LPP: variants seen among roughly 807,000 people sequenced by gnomAD.
LPP encodes LIM domain containing preferred translocation partner in lipoma.
LPP carries 38 observed loss-of-function variants against 60.4 expected under a neutral mutation model. The ratio of observed to expected loss-of-function variants is 0.63; its 90% confidence interval spans 0.49 to 0.83. LPP has a LOEUF of 0.83. LPP is among the 40% of genes least tolerant of loss of function. The pLI, the probability that LPP is intolerant of heterozygous loss-of-function variation, is 0.00. For missense variants in LPP, 902 were observed against 783.6 expected (o/e 1.15, Z -1.80); for synonymous variants, 328 against 290.8 (o/e 1.13, Z -1.30).
At chr3:188,551,558 A>T (rs1231926893) in intron 6 of LPP, among the ~76,000 whole-genome samples, 3 of 152,226 alleles carry the variant, frequency 2.0e-5, no homozygotes, top group Non-Finnish European at 2.9e-5. Context: ...ACCCATCTGT[A>T]AAATATGGAC....
chr3:188,792,063 TG>T (rs1364171889), intron 9 of LPP, among the ~76,000 whole-genome samples: 4 of 152,168 alleles, frequency 2.6e-5, no homozygotes, highest in Admixed American at 2.6e-4. Context: ...CTGTTTTTGC[TG>T]CTATACCAGG....
chr3:188,168,154 G>A (rs1349547900), intron 1 of LPP, among the ~76,000 whole-genome samples: 1 of 152,160 alleles, frequency 6.6e-6, no homozygotes, highest in African/African-American at 2.4e-5. Context: ...TACCTACTCC[G>A]TGCCAGGCAC....
At chr3:188,384,789 CAAAAAAAAAAAAAAA>C (rs561284077) in intron 3 of LPP, among the ~76,000 whole-genome samples, 1 of 51,452 alleles carries the variant, frequency 1.9e-5, no homozygotes, top group African/African-American at 7.9e-5. Context: ...GACTCTGTCT[CAAAAAAAAAAAAAAA>C]AAAAAAAAAA....
chr3:188,192,100 A>G (rs1200519932), intron 1 of LPP, among the ~76,000 whole-genome samples: 2 of 152,214 alleles, frequency 1.3e-5, no homozygotes, highest in Admixed American at 6.5e-5. Flanking sequence ...ATCTCTGTGT[A>G]CTGATGAATG....
At chr3:188,731,407 G>A (rs1720428929) in intron 8 of LPP, among the ~76,000 whole-genome samples, 1 of 152,168 alleles carries the variant, frequency 6.6e-6, no homozygotes. Context: ...TGATTCCCAA[G>A]GAAGCTTGAT....
intron 4 of LPP, among the ~76,000 whole-genome samples, chr3:188,453,903 T>C (rs778307342): frequency 2.6e-5 from 4 of 152,164 alleles, no homozygotes; most frequent in Non-Finnish European, 5.9e-5. Flanking sequence ...CTAACTCACA[T>C]TTTAACCTAA....
chr3:188,346,090 G>A (rs926970683), intron 3 of LPP, among the ~76,000 whole-genome samples: 1 of 152,042 alleles, frequency 6.6e-6, no homozygotes, highest in Non-Finnish European at 1.5e-5. Flanking sequence ...CTTGAATTCA[G>A]AGCCCCTTTT....
At chr3:188,706,089 A>C (rs1436006751) in intron 7 of LPP, among the ~76,000 whole-genome samples, 1 of 152,250 alleles carries the variant, frequency 6.6e-6, no homozygotes, top group Non-Finnish European at 1.5e-5. Flanking sequence ...ACAAAAGAAT[A>C]ACTGAATAAT....
chr3:188,527,367 AAAAGAG>A (rs1171307136), intron 6 of LPP, among the ~76,000 whole-genome samples: 1 of 150,578 alleles, frequency 6.6e-6, no homozygotes, highest in Non-Finnish European at 1.5e-5. Context: ...AAAAAAAAAA[AAAAGAG>A]AGAATATAAG....
chr3:188,258,558 T>A (rs1488111052), intron 2 of LPP, among the ~76,000 whole-genome samples: 2 of 152,198 alleles, frequency 1.3e-5, no homozygotes, highest in Non-Finnish European at 2.9e-5. Flanking sequence ...TGGGCACAAG[T>A]GATTCTCCCA....
chr3:188,674,626 A>C (rs73056794), intron 7 of LPP, among the ~76,000 whole-genome samples: 28,898 of 152,190 alleles, frequency 0.19, 5,943 homozygotes, highest in African/African-American at 0.51. Flanking sequence ...ACTTTTCAAC[A>C]AACATTGGGC....
intron 1 of LPP, among the ~76,000 whole-genome samples, chr3:188,174,984 T>C (rs1722657850): frequency 6.6e-6 from 1 of 152,254 alleles, no homozygotes; most frequent in African/African-American, 2.4e-5. Context: ...GACCTTCTCG[T>C]CTGCCTGGAA....
chr3:188,412,995 A>G (rs945024127), intron 4 of LPP, among the ~76,000 whole-genome samples: 4 of 152,128 alleles, frequency 2.6e-5, no homozygotes, highest in African/African-American at 4.8e-5. Context: ...ACTGTGGTTT[A>G]TGGGAACCAG....
intron 9 of LPP, among the ~76,000 whole-genome samples, chr3:188,813,184 T>C (rs979690065): frequency 6.6e-6 from 1 of 152,218 alleles, no homozygotes; most frequent in African/African-American, 2.4e-5. Flanking sequence ...ATATAAATTG[T>C]ACTCCATGTA....
chr3:188,886,946 T>A lies in LPP; in HGVS notation c.*12467T>A, dbSNP rs1016070808. On this transcript the variant is annotated 3_prime_UTR_variant, in exon 12 of 12. Transcript: ENST00000617246. ...TCTCTTAAAATATGCCAAAGCAATT[T>A]GAGGTGGGGGTGGAAACAGGTATTT... The A allele has an allele frequency of 1.7e-4, 39 of 231,222 alleles. No homozygotes were observed. The highest frequency in any genetic ancestry group is 2.5e-3 in the Middle Eastern group (2 of 796). 14.3% of individuals were successfully genotyped at this position (231,222 alleles called of 1,614,324 possible).
intron 3 of LPP, among the ~76,000 whole-genome samples, chr3:188,378,424 C>T (rs1379339081): frequency 6.6e-6 from 1 of 152,214 alleles, no homozygotes; most frequent in Admixed American, 6.5e-5. Flanking sequence ...AGGCGCCCCT[C>T]CCCCAGCCTC....
intron 2 of LPP, among the ~76,000 whole-genome samples, chr3:188,275,153 C>T (rs1459794551): frequency 6.6e-6 from 1 of 152,140 alleles, no homozygotes; most frequent in Non-Finnish European, 1.5e-5. Context: ...TGGCCAGAGC[C>T]CATCCTGACT....
chr3:188,256,040 A>G (rs1358407286), intron 2 of LPP, among the ~76,000 whole-genome samples: 1 of 152,230 alleles, frequency 6.6e-6, no homozygotes, highest in African/African-American at 2.4e-5. Flanking sequence ...CATTTTACTT[A>G]TAACTTGGAA....
rs146509482 is a variant in LPP, at chr3:188,489,807, A to G, written c.306+5103A>G. Among the ~76,000 whole-genome samples the G allele has an allele frequency of 7.8e-3, 1,184 of 152,106 alleles. 74 individuals are homozygous for G. The highest frequency in any genetic ancestry group is 0.072 in the Admixed American group (1,105 of 15,272). ...CAATATTTAACTTCCTCTTTTTATGATATCTTTGTTCGTCTTTTCTTGGTG... is the reference window on the plus strand; with the variant it reads ...CAATATTTAACTTCCTCTTTTTATGGTATCTTTGTTCGTCTTTTCTTGGTG... On this transcript the variant is annotated intron_variant, in intron 5 of 11. Transcript: ENST00000617246.
Sources: gnomAD v4.1 joint callset for allele counts (sites outside exome capture counted in the v4.1 genomes callset) on GRCh38, gnomAD v4.1.1 for gene constraint, MANE v1.5 for transcripts, NCBI Gene and HGNC (gene_info 2026-07-23, HGNC 2026-07-21) for gene names.